Variants in AOX1 observed in about 807,000 individuals in gnomAD.
AOX1 encodes the protein aldehyde oxidase.
Under a neutral mutation model 169.5 loss-of-function variants are expected in AOX1, and 153 were observed. That is an observed-to-expected ratio of 0.90 (90% CI 0.79 to 1.03). AOX1 has a LOEUF of 1.03. AOX1 is among the 50% of genes least tolerant of loss of function. The pLI is 0.00. For missense variants in AOX1, 1,656 were observed against 1,663.9 expected, an observed-to-expected ratio of 1.00 and a Z score of 0.08; for synonymous variants, 562 against 581.9, an observed-to-expected ratio of 0.97 and a Z score of 0.49.
chr2:200,669,169 C>T (rs1285534697), intron 33 of AOX1, among the ~76,000 whole-genome samples: 2 of 152,130 alleles, frequency 1.3e-5, no homozygotes, highest in Non-Finnish European at 2.9e-5. Flanking sequence ...ATAGGCCGGG[C>T]GCAGTGGCTC....
At position 200,659,309 on chromosome 2, in the gene AOX1, G is replaced by A; in HGVS notation, c.3300+16G>A. On this transcript the variant is annotated intron_variant, in intron 28 of 34. Transcript: ENST00000374700. ...GGCAGTAAAGGTAACAGTCACTGCA[G>A]TGGCGTCCAAATCATTAACTCCCTC... The A allele has an allele frequency of 6.2e-7, 1 of 1,608,532 alleles. No individual in the cohort carries two copies. The highest frequency in any genetic ancestry group is 8.5e-7 in the Non-Finnish European group (1 of 1,177,310).
chr2:200,668,865 G>A, intron 33 of AOX1, 62 bp downstream of exon 33: 1 of 1,419,306 alleles, frequency 7.0e-7, no homozygotes, highest in Non-Finnish European at 9.7e-7. Context: ...TGACAGGAAG[G>A]CTACATTCCT....
intron 6 of AOX1, among the ~76,000 whole-genome samples, chr2:200,602,809 G>C (rs1225969101): frequency 5.3e-5 from 8 of 152,030 alleles, no homozygotes; most frequent in Non-Finnish European, 5.9e-5. Flanking sequence ...TCATTGAGTA[G>C]CTACTCAATA....
chr2:200,622,117 G>A (rs980992691), intron 18 of AOX1, among the ~76,000 whole-genome samples: 4 of 152,216 alleles, frequency 2.6e-5, no homozygotes, highest in Non-Finnish European at 5.9e-5. Context: ...AGATATGTAT[G>A]ATCTCTACTC....
chr2:200,661,493 C>A, intron 29 of AOX1, 86 bp from the exon 30 acceptor site: 1 of 1,061,172 alleles, frequency 9.4e-7, no homozygotes, highest in Admixed American at 1.8e-5. Flanking sequence ...TTTTATTTAA[C>A]ACACAGGGTA....
intron 5 of AOX1, among the ~76,000 whole-genome samples, chr2:200,601,480 A>C (rs1489625220): frequency 1.3e-5 from 2 of 152,240 alleles, no homozygotes; most frequent in African/African-American, 4.8e-5. Context: ...GAATAAATAA[A>C]TAAATGATGG....
At chr2:200,632,696 C>T (rs1247872275) in intron 20 of AOX1, among the ~76,000 whole-genome samples, 3 of 151,838 alleles carry the variant, frequency 2.0e-5, no homozygotes, top group African/African-American at 7.3e-5. Flanking sequence ...CAGGGTAAAT[C>T]CGTTTAAAAC....
rs2035222069 is a variant in AOX1, at chr2:200,636,021, C to A, written c.2347-890C>A. On this transcript the variant is annotated intron_variant, in intron 21 of 34. Coordinates refer to ENST00000374700, the MANE Select transcript of AOX1 (RefSeq NM_001159.4). ...GAATCAATTGTTAAGACTAAATGACCCCTAATCATTAGGATGGCAGAAAAG... is the reference window on the plus strand; with the variant it reads ...GAATCAATTGTTAAGACTAAATGACACCTAATCATTAGGATGGCAGAAAAG... Among the ~76,000 whole-genome samples, 3 of 151,670 alleles carry A rather than the reference C, an allele frequency of 2.0e-5. No individual in the cohort carries two copies. The South Asian group carries it at 6.3e-4, about 32-fold the overall frequency.
chr2:200,651,182 G>A lies in AOX1; in HGVS notation c.3056G>A (p.Gly1019Asp). The change falls in exon 26 of 35, where the codon GGC becomes GAC. Residue 1019 changes from glycine (G) to aspartate (D), a missense_variant. Coordinates refer to ENST00000374700, the MANE Select transcript of AOX1 (RefSeq NM_001159.4). ...MVPLKFPVGLGSRAAGQAAAL... is the reference protein window; with the variant it reads ...MVPLKFPVGLDSRAAGQAAAL... ...CCCCTGAAGTTTCCTGTTGGCCTTG[G>A]CTCACGTGCTGCTGGTCAGGTGAGT... is the stretch of plus-strand genomic sequence containing the variant. The A allele has an allele frequency of 6.2e-7, 1 of 1,614,148 alleles. No individual in the cohort carries two copies. Among genetic ancestry groups the A allele is most frequent in the Non-Finnish European group, 8.5e-7 (1 of 1,179,996 alleles).
At position 200,659,782 on chromosome 2, in the gene AOX1, T is replaced by TCA. The variant is rs763022331; in HGVS notation, c.3301-212_3301-211insAC. Among the ~76,000 whole-genome samples the TCA allele has an allele frequency of 6.7e-3, 899 of 134,724 alleles. 2 individuals are homozygous for TCA. The highest frequency in any genetic ancestry group is 0.011 in the South Asian group (47 of 4,154). 88.4% of individuals were successfully genotyped at this position (134,724 alleles called of 152,430 possible). ...AGCATGGCTTACAAGGCCAGTTCTC[T>TCA]CTCTCACACACACACACACACACAC... On this transcript the variant is annotated intron_variant, in intron 28 of 34. Coordinates refer to ENST00000374700, the MANE Select transcript of AOX1 (RefSeq NM_001159.4).
Position 200,638,186 on chromosome 2 carries a change from T to C in AOX1, c.2481-29T>C, listed in dbSNP as rs111755748. ...GAGAATGCCTGCTAGGTAAAAGAGG[T>C]TACCTCACTTACTTTTTTTCTGTTT... On this transcript the variant is annotated intron_variant, in intron 22 of 34. Transcript: ENST00000374700. 2.5e-4 allele frequency: 402 copies of C among 1,608,508 alleles called. 5 individuals are homozygous for C. In the African/African-American group the frequency reaches 4.3e-3, roughly 17 times the overall value.
chr2:200,624,647 G>A lies in AOX1; in HGVS notation c.2124+664G>A, dbSNP rs562025565. On this transcript the variant is annotated intron_variant, in intron 19 of 34. Coordinates refer to ENST00000374700, the MANE Select transcript of AOX1 (RefSeq NM_001159.4). ...TTTTAGATTTTTCAAGAGATAAGTC[G>A]TATGATGCCTACAGGTATTTTGGCA... Among the ~76,000 whole-genome samples the A allele has an allele frequency of 6.2e-4, 95 of 152,296 alleles. 1 individual carries two copies. Among genetic ancestry groups the A allele is most frequent in the African/African-American group, 2.0e-3 (84 of 41,552 alleles).
chr2:200,658,460 T>C (rs988722644), intron 27 of AOX1, among the ~76,000 whole-genome samples: 5 of 152,224 alleles, frequency 3.3e-5, no homozygotes, highest in African/African-American at 1.2e-4. Flanking sequence ...CCTATTGCAC[T>C]CTGTGTGGAT....
intron 14 of AOX1, among the ~76,000 whole-genome samples, chr2:200,613,044 GAC>G (rs2034679282): frequency 2.0e-5 from 3 of 151,204 alleles, no homozygotes; most frequent in African/African-American, 7.3e-5. Flanking sequence ...GAGAGAGAGA[GAC>G]AGACAGACAG....
At chr2:200,675,809 T>C (rs553077498), downstream of AOX1, among the ~76,000 whole-genome samples, 17 of 152,098 alleles carry the variant, frequency 1.1e-4, no homozygotes, top group African/African-American at 3.4e-4. Context: ...AGGGAGATAC[T>C]GTTATTTTGA....
chr2:200,612,712 T>C lies in AOX1; in HGVS notation c.1367T>C (p.Ile456Thr). 1.9e-6 allele frequency: 3 copies of C among 1,614,074 alleles called. No homozygotes were observed. Among genetic ancestry groups the C allele is most frequent in the Non-Finnish European group, 2.5e-6 (3 of 1,179,986 alleles). Reference protein sequence around the residue: ...RVFFGEGDGIIRELCISYGGV... With the variant: ...RVFFGEGDGITRELCISYGGV... ...TTTTTTGGAGAAGGGGATGGCATTATTAGAGAGTTATGCATCTCATATGGA... is the reference window on the plus strand; with the variant it reads ...TTTTTTGGAGAAGGGGATGGCATTACTAGAGAGTTATGCATCTCATATGGA... The change falls in exon 14 of 35, where the codon ATT becomes ACT. Residue 456 changes from isoleucine to threonine, a missense_variant. Transcript: ENST00000374700.
intron 22 of AOX1, among the ~76,000 whole-genome samples, chr2:200,637,678 A>G (rs2035263602): frequency 6.6e-6 from 1 of 152,022 alleles, no homozygotes; most frequent in Non-Finnish European, 1.5e-5. Context: ...TGCTTTTGTT[A>G]TGCTTACATT....
chr2:200,624,036 G>A, intron 19 of AOX1, 53 bp downstream of exon 19: 1 of 1,604,108 alleles, frequency 6.2e-7, no homozygotes, highest in Non-Finnish European at 8.5e-7. Context: ...ACAAATATCA[G>A]TTAAAATGCT....
intron 16 of AOX1, 147 bp downstream of exon 16, chr2:200,616,210 A>C: frequency 1.6e-6 from 1 of 607,404 alleles, no homozygotes; most frequent in Non-Finnish European, 2.9e-6. Context: ...TGGGTAACTA[A>C]AATTCCAAAA....
Sources: gnomAD v4.1 joint callset for allele counts (sites outside exome capture counted in the v4.1 genomes callset) on GRCh38, gnomAD v4.1.1 for gene constraint, MANE v1.5 for transcripts, NCBI Gene and HGNC (gene_info 2026-07-23, HGNC 2026-07-21) for gene names.